XRCC4: variants seen among roughly 807,000 people sequenced by gnomAD.
XRCC4 encodes the protein DNA repair protein XRCC4.
A neutral mutation model predicts 39.1 loss-of-function variants in XRCC4; 28 were observed. That is an observed-to-expected ratio of 0.72 (90% CI 0.53 to 0.98). The LOEUF is 0.98. Ranked by LOEUF, XRCC4 falls within the 50% of genes least tolerant of loss-of-function variation. XRCC4 has a pLI of 0.00. For synonymous variants in XRCC4, 123 were observed against 126.4 expected, an observed-to-expected ratio of 0.97 and a Z score of 0.18; for missense variants, 350 against 376.4, an observed-to-expected ratio of 0.93 and a Z score of 0.58.
intron 6 of XRCC4, among the ~76,000 whole-genome samples, chr5:83,207,942 C>T (rs1002251385): frequency 1.3e-5 from 2 of 151,920 alleles, no homozygotes; most frequent in African/African-American, 4.8e-5. Context: ...TTGCAATTTC[C>T]TGTGTGCTTT....
intron 7 of XRCC4, among the ~76,000 whole-genome samples, chr5:83,305,105 A>G (rs1046891803): frequency 1.1e-4 from 16 of 152,140 alleles, no homozygotes; most frequent in Non-Finnish European, 7.4e-5. Context: ...TTTTTATAAT[A>G]AGCTTTATTT....
chr5:83,281,500 T>G (rs930682140), intron 7 of XRCC4, among the ~76,000 whole-genome samples: 2 of 141,144 alleles, frequency 1.4e-5, no homozygotes, highest in Admixed American at 1.3e-4. Context: ...CTGTTTTTTG[T>G]TTTGTTTTTT....
intron 7 of XRCC4, among the ~76,000 whole-genome samples, chr5:83,274,145 C>T (rs780938894): frequency 4.6e-5 from 7 of 152,146 alleles, no homozygotes; most frequent in Non-Finnish European, 8.8e-5. Context: ...TTGGTAAATG[C>T]CCCAACTCTT....
chr5:83,351,158 G>A (rs1178324859), intron 7 of XRCC4, among the ~76,000 whole-genome samples: 1 of 152,074 alleles, frequency 6.6e-6, no homozygotes, highest in East Asian at 1.9e-4. Context: ...TCCTTCTCCG[G>A]CCATGTAAGA....
chr5:83,205,455 G>C (rs1410030523), intron 6 of XRCC4, among the ~76,000 whole-genome samples: 1 of 152,066 alleles, frequency 6.6e-6, no homozygotes, highest in Non-Finnish European at 1.5e-5. Context: ...CAGTCCTTTG[G>C]ATCAAGTTCC....
chr5:83,276,778 A>G (rs2112942573), intron 7 of XRCC4, among the ~76,000 whole-genome samples: 1 of 152,324 alleles, frequency 6.6e-6, no homozygotes, highest in South Asian at 2.1e-4. Context: ...TTTGTTGCTT[A>G]TAACAGAATC....
chr5:83,164,659 A>G (rs1457347413), intron 3 of XRCC4, among the ~76,000 whole-genome samples: 5 of 152,134 alleles, frequency 3.3e-5, no homozygotes, highest in Admixed American at 6.5e-5. Flanking sequence ...CAATGTGTAT[A>G]TGTATCTCAA....
intron 7 of XRCC4, among the ~76,000 whole-genome samples, chr5:83,344,991 C>A (rs545475089): frequency 6.6e-6 from 1 of 152,112 alleles, no homozygotes; most frequent in African/African-American, 2.4e-5. Context: ...TTTCCTTGGT[C>A]GCTAATGAAG....
At chr5:83,282,374 T>A (rs1554071611) in intron 7 of XRCC4, among the ~76,000 whole-genome samples, 2 of 152,072 alleles carry the variant, frequency 1.3e-5, no homozygotes, top group Non-Finnish European at 2.9e-5. Context: ...AAGTCATTAG[T>A]TTTTAGACAG....
At chr5:83,133,774 A>G (rs962909030) in intron 3 of XRCC4, among the ~76,000 whole-genome samples, 1 of 149,782 alleles carries the variant, frequency 6.7e-6, no homozygotes, top group African/African-American at 2.4e-5. Context: ...CTGATTTTCC[A>G]GTTGAGAGGT....
chr5:83,238,244 G>A (rs1361403823), intron 6 of XRCC4, among the ~76,000 whole-genome samples: 4 of 152,174 alleles, frequency 2.6e-5, no homozygotes, highest in Admixed American at 1.3e-4. Context: ...CCTCTGGTCT[G>A]AGCTAGAACA....
At chr5:83,369,164 A>C in the XRCC4 span, among the ~76,000 whole-genome samples, 11 of 152,204 alleles carry the variant, frequency 7.2e-5, no homozygotes, top group Admixed American at 7.2e-4. Context: ...AAAAGCAATG[A>C]TCTTGCAAGA....
At chr5:83,113,623 CTTTTT>C (rs200720410) in intron 3 of XRCC4, among the ~76,000 whole-genome samples, 1 of 144,078 alleles carries the variant, frequency 6.9e-6, no homozygotes, top group African/African-American at 2.5e-5. Context: ...ACATTTCTTT[CTTTTT>C]TTTTTTTTTT....
chr5:83,169,816 T>A (rs570588536), intron 3 of XRCC4, among the ~76,000 whole-genome samples: 8 of 152,170 alleles, frequency 5.3e-5, no homozygotes, highest in Non-Finnish European at 1.0e-4. Context: ...AGGCTGTGTG[T>A]TTATTACTGT....
intron 4 of XRCC4, 95 bp from the exon 5 acceptor site, chr5:83,203,457 G>T: frequency 9.2e-7 from 1 of 1,082,714 alleles, no homozygotes; most frequent in Admixed American, 3.0e-5. Context: ...ATCTTTAATT[G>T]TATTTTCCTT....
At chr5:83,152,707 G>C (rs928077321) in intron 3 of XRCC4, among the ~76,000 whole-genome samples, 5 of 150,068 alleles carry the variant, frequency 3.3e-5, no homozygotes, top group African/African-American at 1.2e-4. Context: ...TTTTTGGAAA[G>C]ATCTATGTTC....
At chr5:83,109,914 G>A (rs1301179020) in intron 2 of XRCC4, among the ~76,000 whole-genome samples, 1 of 151,970 alleles carries the variant, frequency 6.6e-6, no homozygotes, top group African/African-American at 2.4e-5. Context: ...TCCAGAGGAT[G>A]CAGCATAAAA....
intron 3 of XRCC4, among the ~76,000 whole-genome samples, chr5:83,160,237 C>A (rs13358361): frequency 0.48 from 73,047 of 151,890 alleles, 18,440 homozygotes; most frequent in African/African-American, 0.62. Flanking sequence ...TGAATTATAT[C>A]AATCAGGGAA....
At chr5:83,338,064 A>C (rs937387436) in intron 7 of XRCC4, among the ~76,000 whole-genome samples, 4 of 152,208 alleles carry the variant, frequency 2.6e-5, no homozygotes, top group Non-Finnish European at 5.9e-5. Flanking sequence ...AAGAAAGAAG[A>C]GTGTGTTTGG....
Sources: gnomAD v4.1 joint callset for allele counts (sites outside exome capture counted in the v4.1 genomes callset) on GRCh38, gnomAD v4.1.1 for gene constraint, MANE v1.5 for transcripts, NCBI Gene and HGNC (gene_info 2026-07-23, HGNC 2026-07-21) for gene names.